Variants in PPIP5K2 observed in about 807,000 individuals in gnomAD.
The protein encoded by PPIP5K2 is inositol hexakisphosphate and diphosphoinositol-pentakisphosphate kinase 2.
Under a neutral mutation model 154.6 loss-of-function variants are expected in PPIP5K2, and 105 were observed. The observed-to-expected ratio is 0.68, with a 90% CI of 0.58 to 0.80. The LOEUF (loss-of-function observed/expected upper bound fraction) is 0.80, where lower values mean the gene tolerates loss of function less well. PPIP5K2 is among the 30% of genes least tolerant of loss of function. PPIP5K2 has a pLI of 0.00. For missense variants in PPIP5K2, 992 were observed against 1,504.6 expected, an observed-to-expected ratio of 0.66 and a Z score of 5.64; for synonymous variants, 480 against 490.3, an observed-to-expected ratio of 0.98 and a Z score of 0.28.
intron 29 of PPIP5K2, among the ~76,000 whole-genome samples, chr5:103,194,514 TC>T: frequency 6.6e-6 from 1 of 152,254 alleles, no homozygotes; most frequent in South Asian, 2.1e-4. Context: ...TGCCTGTAAT[TC>T]CAGCATGAAA....
In PPIP5K2 at chr5:103,184,711, AC is replaced by A. The variant is rs782740984; in HGVS notation, c.3137del (p.Thr1046IlefsTer11). 1 of 1,612,712 alleles carries A rather than the reference AC, an allele frequency of 6.2e-7. No individual in the cohort carries two copies. Among genetic ancestry groups the A allele is most frequent in the African/African-American group, 1.3e-5 (1 of 74,842 alleles). On this transcript the variant is annotated frameshift_variant, in exon 26 of 31. Transcript: ENST00000358359. LOFTEE classifies it high-confidence loss of function. ...ENANYLRTPR[T>X]LVEQKQNPTV... ...TGCTAATTACCTGAGAACACCAAGAACTCTTGTGGAACAGAAGCAGAATCCT... is the reference window on the plus strand; with the variant it reads ...TGCTAATTACCTGAGAACACCAAGAATCTTGTGGAACAGAAGCAGAATCCT...
chr5:103,146,766 T>A (rs1793824583), intron 6 of PPIP5K2, 85 bp downstream of exon 6: 1 of 1,177,902 alleles, frequency 8.5e-7, no homozygotes, highest in African/African-American at 1.6e-5. Context: ...TTAATTACCG[T>A]TAAATATTGA....
At chr5:103,174,126 G>A in intron 21 of PPIP5K2, 154 bp downstream of exon 21, 1 of 540,646 alleles carries the variant, frequency 1.8e-6, no homozygotes, top group South Asian at 2.9e-5. Context: ...CAAGCATTTT[G>A]CTAGATTTTA....
chr5:103,175,233 A>G (rs562477245), intron 21 of PPIP5K2, among the ~76,000 whole-genome samples: 1 of 152,136 alleles, frequency 6.6e-6, no homozygotes, highest in Non-Finnish European at 1.5e-5. Flanking sequence ...GGTCCTTGAG[A>G]GTAATTATTA....
intron 30 of PPIP5K2, among the ~76,000 whole-genome samples, chr5:103,195,437 T>G (rs1801941381): frequency 6.6e-6 from 1 of 151,992 alleles, no homozygotes; most frequent in African/African-American, 2.4e-5. Flanking sequence ...CTAGACAACA[T>G]AGCAAGACCC....
chr5:103,147,597 A>G (rs1554209633), intron 6 of PPIP5K2, among the ~76,000 whole-genome samples: 3 of 151,974 alleles, frequency 2.0e-5, no homozygotes, highest in Non-Finnish European at 4.4e-5. Flanking sequence ...TGATAGGAGA[A>G]TGGATAAATT....
intron 5 of PPIP5K2, among the ~76,000 whole-genome samples, chr5:103,144,245 A>G (rs910870068): frequency 6.6e-6 from 1 of 152,260 alleles, no homozygotes; most frequent in South Asian, 2.1e-4. Flanking sequence ...CTCTTCTACA[A>G]TGAAAACCAT....
chr5:103,148,100 T>A, intron 7 of PPIP5K2, 68 bp downstream of exon 7: 1 of 1,123,598 alleles, frequency 8.9e-7, no homozygotes, highest in East Asian at 2.4e-5. Context: ...AAAAAGTAGT[T>A]AATCTTTAGC....
At chr5:103,173,769 A>G in intron 20 of PPIP5K2, 89 bp from the exon 21 acceptor site, 1 of 889,968 alleles carries the variant, frequency 1.1e-6, no homozygotes, top group Non-Finnish European at 1.8e-6. Context: ...TTCTAGTGAA[A>G]TTACATTTAA....
At chr5:103,158,159 T>C (rs782514209) in intron 14 of PPIP5K2, 29 bp from the exon 15 acceptor site, 10 of 1,602,938 alleles carry the variant, frequency 6.2e-6, no homozygotes, top group Middle Eastern at 1.7e-4. Flanking sequence ...AAACTTAACA[T>C]TTGTTTTATT....
intron 8 of PPIP5K2, among the ~76,000 whole-genome samples, chr5:103,150,084 T>C (rs1329944029): frequency 1.3e-5 from 2 of 152,224 alleles, no homozygotes; most frequent in Admixed American, 1.3e-4. Flanking sequence ...AACTACTGTA[T>C]AGTAAAGATT....
intron 19 of PPIP5K2, among the ~76,000 whole-genome samples, chr5:103,170,202 T>C (rs370375597): frequency 6.6e-6 from 1 of 151,786 alleles, no homozygotes; most frequent in African/African-American, 2.4e-5. Context: ...AAGACATTTC[T>C]CACCATGTCC....
chr5:103,158,811 C>T (rs952841251), intron 16 of PPIP5K2, among the ~76,000 whole-genome samples: 3 of 151,736 alleles, frequency 2.0e-5, no homozygotes, highest in Non-Finnish European at 4.4e-5. Context: ...CACCTGTAGT[C>T]CCAGCAGCTC....
chr5:103,174,920 C>G (rs1478006287), intron 21 of PPIP5K2, among the ~76,000 whole-genome samples: 1 of 152,060 alleles, frequency 6.6e-6, no homozygotes, highest in East Asian at 1.9e-4. Context: ...TTCCCACATA[C>G]AAAACTCAAT....
intron 26 of PPIP5K2, among the ~76,000 whole-genome samples, chr5:103,185,926 G>A (rs1800298105): frequency 6.6e-6 from 1 of 151,096 alleles, no homozygotes; most frequent in Admixed American, 6.6e-5. Flanking sequence ...GTGCTAGAAG[G>A]AGTGTTTTTT....
Position 103,202,188 on chromosome 5 carries a change from A to G in PPIP5K2, c.*554A>G, listed in dbSNP as rs1037906811. On this transcript the variant is annotated 3_prime_UTR_variant, in exon 31 of 31. Coordinates refer to ENST00000358359, the MANE Select transcript of PPIP5K2 (RefSeq NM_001276277.3). ...ATTAGCCACATGGGTTATTTTTTCA[A>G]TCTGTGTTTTGAATTTTTTTATTGT... The G allele has an allele frequency of 2.6e-5, 4 of 152,702 alleles. No homozygotes were observed. The highest frequency in any genetic ancestry group is 2.6e-4 in the Admixed American group (4 of 15,292). 9.5% of individuals were successfully genotyped at this position (152,702 alleles called of 1,614,324 possible). A position where few individuals can be genotyped will look rare whatever the true frequency, so the allele number is the denominator to read the frequency against.
intron 24 of PPIP5K2, among the ~76,000 whole-genome samples, chr5:103,180,597 C>G (rs1159771334): frequency 6.6e-6 from 1 of 151,828 alleles, no homozygotes; most frequent in Non-Finnish European, 1.5e-5. Context: ...TGCCTGTAAT[C>G]CCAGCACTTT....
chr5:103,128,946 C>G (rs1354984369), intron 1 of PPIP5K2, among the ~76,000 whole-genome samples: 1 of 152,018 alleles, frequency 6.6e-6, no homozygotes, highest in Non-Finnish European at 1.5e-5. Flanking sequence ...TTTTCCATTC[C>G]ATTCAGATAT....
intron 13 of PPIP5K2, among the ~76,000 whole-genome samples, chr5:103,155,173 C>A (rs1189647634): frequency 6.6e-6 from 1 of 151,882 alleles, no homozygotes; most frequent in Admixed American, 6.6e-5. Flanking sequence ...AAATTTGTGT[C>A]TTCTGTGAAA....
Sources: allele counts gnomAD v4.1 joint callset (sites outside exome capture counted in the v4.1 genomes callset), GRCh38; gene constraint gnomAD v4.1.1; transcripts MANE v1.5; gene names NCBI Gene and HGNC (gene_info 2026-07-23, HGNC 2026-07-21).